Variants in NECAB2 observed in about 807,000 individuals in gnomAD.
NECAB2 encodes the protein N-terminal EF-hand calcium-binding protein 2.
Under a neutral mutation model 51.9 loss-of-function variants are expected in NECAB2, and 68 were observed. The observed-to-expected ratio is 1.31, with a 90% CI of 1.08 to 1.60. The LOEUF is 1.60. Ranked by LOEUF, NECAB2 falls within the 40% of genes most tolerant of loss-of-function variation. NECAB2 has a pLI of 0.00. For synonymous variants in NECAB2, 329 were observed against 203.5 expected (o/e 1.62, Z -5.25); for missense variants, 854 against 490.3 (o/e 1.74, Z -7.00).
chr16:83,974,580 T>C (rs375149253), intron 2 of NECAB2, among the ~76,000 whole-genome samples: 237 of 152,260 alleles, frequency 1.6e-3, no homozygotes, highest in African/African-American at 5.4e-3. Context: ...TTAATCTTCA[T>C]TGTGATCCTC....
chr16:83,965,928 A>G (rs200121755), upstream of NECAB2: 1 of 1,612,474 alleles, frequency 6.2e-7, no homozygotes, highest in Non-Finnish European at 8.5e-7. Context: ...GCCGGGGACA[A>G]CTTCGTGAGG....
At chr16:83,992,868 A>T (rs2084643978) in intron 6 of NECAB2, among the ~76,000 whole-genome samples, 2 of 152,186 alleles carry the variant, frequency 1.3e-5, no homozygotes, top group South Asian at 4.1e-4. Context: ...GCTGACACTT[A>T]GATTTCCTGG....
At chr16:83,979,807 T>A (rs990480935) in intron 3 of NECAB2, among the ~76,000 whole-genome samples, 1 of 152,126 alleles carries the variant, frequency 6.6e-6, no homozygotes, top group Admixed American at 6.5e-5. Context: ...CTATAAAGAC[T>A]TTTAGGATTA....
At chr16:84,000,130 A>T (rs2084797666) in intron 10 of NECAB2, among the ~76,000 whole-genome samples, 1 of 151,952 alleles carries the variant, frequency 6.6e-6, no homozygotes, top group South Asian at 2.1e-4. Context: ...GACCTCACGT[A>T]ATCCACCTGC....
At position 83,974,911 on chromosome 16, in the gene NECAB2, C is replaced by CAGGGATGGGAACAGGTGTGCAGGGAGGT. The variant is rs1567664337; in HGVS notation, c.226+2736_226+2737insAGGGATGGGAACAGGTGTGCAGGGAGGT. ...GGATGAGAGCAGGTGTGCAGGGAGG[C>CAGGGATGGGAACAGGTGTGCAGGGAGGT]GTGGGTGCGGGGATGGGAACAGGTG... is the stretch of plus-strand genomic sequence containing the variant. On this transcript the variant is annotated intron_variant, in intron 2 of 12. Coordinates refer to ENST00000305202, the MANE Select transcript of NECAB2 (RefSeq NM_019065.3). 7.4e-3 allele frequency among the ~76,000 whole-genome samples: 483 copies of CAGGGATGGGAACAGGTGTGCAGGGAGGT among 65,648 alleles called. 29 individuals are homozygous for CAGGGATGGGAACAGGTGTGCAGGGAGGT. Among genetic ancestry groups the CAGGGATGGGAACAGGTGTGCAGGGAGGT allele is most frequent in the African/African-American group, 0.037 (463 of 12,642 alleles). 43.1% of individuals were successfully genotyped at this position (65,648 alleles called of 152,430 possible).
chr16:84,001,768 C>G, intron 11 of NECAB2, 57 bp from the exon 12 acceptor site: 1 of 1,573,476 alleles, frequency 6.4e-7, no homozygotes. Context: ...AACAGGGGAG[C>G]CACACGCGGA....
chr16:83,999,560 G>A (rs549026817), intron 10 of NECAB2, among the ~76,000 whole-genome samples: 2 of 152,232 alleles, frequency 1.3e-5, no homozygotes, highest in East Asian at 1.9e-4. Flanking sequence ...CCTCTAGGCT[G>A]AGCACTGTAG....
In NECAB2 at chr16:83,998,220, C is replaced by A; in HGVS notation, c.865C>A (p.Arg289=). The A allele has an allele frequency of 1.2e-6, 2 of 1,610,422 alleles. No individual in the cohort carries two copies. Among genetic ancestry groups the A allele is most frequent in the Middle Eastern group, 3.3e-4 (2 of 6,062 alleles). Residue 289 remains arginine, a synonymous_variant, in exon 10 of 13, where the codon CGG becomes AGG. Transcript: ENST00000305202. ...TGCCCGGCAGCACCTGCAGCTGGTC[C>A]GGCAGGAGATGGCCGTGTGCCCCGA... The part of the protein sequence containing the change: ...DGTNMHLQLV[R]QEMAVCPEQL...
intron 10 of NECAB2, 53 bp downstream of exon 10, chr16:83,998,370 C>T (rs1305766699): frequency 1.9e-6 from 3 of 1,543,100 alleles, no homozygotes; most frequent in African/African-American, 1.4e-5. Context: ...CTCTGCCTGG[C>T]AGTGGAGGAA....
chr16:83,973,832 G>C (rs1395133077), intron 2 of NECAB2, among the ~76,000 whole-genome samples: 1 of 152,110 alleles, frequency 6.6e-6, no homozygotes, highest in South Asian at 2.1e-4. Context: ...AGGCTGTTGG[G>C]AATGCGTGTG....
In NECAB2 at chr16:83,994,760, C is replaced by G. The variant is rs533887160; in HGVS notation, c.795+72C>G. 6 of 1,550,134 alleles carry G rather than the reference C, an allele frequency of 3.9e-6. No individual in the cohort carries two copies. The African/African-American group carries it at 5.4e-5, about 14-fold the overall frequency. On this transcript the variant is annotated intron_variant, in intron 8 of 12. Coordinates refer to ENST00000305202, the MANE Select transcript of NECAB2 (RefSeq NM_019065.3). ...GGAGTGCAGAGTTAAGCCTGGAGTTCAGGACAAAAGTCTGGGCTGCAGAGG... is the reference window on the plus strand; with the variant it reads ...GGAGTGCAGAGTTAAGCCTGGAGTTGAGGACAAAAGTCTGGGCTGCAGAGG...
In NECAB2 at chr16:83,994,290, T is replaced by C; in HGVS notation, c.597-12T>C. The C allele has an allele frequency of 6.2e-7, 1 of 1,613,810 alleles. No homozygotes were observed. The highest frequency in any genetic ancestry group is 2.2e-5 in the East Asian group (1 of 44,880). The stretch of plus-strand genomic sequence containing the variant: ...CCGCCATGGTCTGTGTGTGTTCCCA[T>C]CCAAACTGCAGACAGAACCACATCA... On this transcript the variant is annotated splice_polypyrimidine_tract_variant and intron_variant, in intron 6 of 12. Transcript: ENST00000305202.
chr16:83,998,448 G>GT (rs936416947), intron 10 of NECAB2, 131 bp downstream of exon 10: 3 of 826,302 alleles, frequency 3.6e-6, no homozygotes, highest in East Asian at 5.4e-5. Context: ...AGCTGGATGC[G>GT]TAAGAAGTGG....
At chr16:83,999,952 G>A (rs930444671) in intron 10 of NECAB2, among the ~76,000 whole-genome samples, 1 of 152,174 alleles carries the variant, frequency 6.6e-6, no homozygotes, top group African/African-American at 2.4e-5. Context: ...AGTAGTGGAA[G>A]CTCAGCTCAC....
At chr16:83,998,910 G>A (rs1159047564) in intron 10 of NECAB2, among the ~76,000 whole-genome samples, 1 of 152,188 alleles carries the variant, frequency 6.6e-6, no homozygotes, top group Non-Finnish European at 1.5e-5. Flanking sequence ...AAGGCATGTG[G>A]CCAGGGCCAG....
intron 2 of NECAB2, among the ~76,000 whole-genome samples, chr16:83,975,077 T>C: frequency 8.4e-6 from 1 of 119,372 alleles, no homozygotes; most frequent in East Asian, 2.5e-4. Context: ...GAGGTGTGGG[T>C]GCAGGGATGA....
chr16:83,969,475 C>A (rs2084325493), intron 1 of NECAB2, among the ~76,000 whole-genome samples: 2 of 151,990 alleles, frequency 1.3e-5, no homozygotes, highest in African/African-American at 4.8e-5. Flanking sequence ...GTCTTCCCCA[C>A]CCCGCCCCCT....
chr16:83,996,003 C>A (rs536837722), intron 8 of NECAB2, among the ~76,000 whole-genome samples: 1 of 152,194 alleles, frequency 6.6e-6, no homozygotes, highest in East Asian at 1.9e-4. Context: ...GTCCTGGAGA[C>A]GGGGTGGGAC....
chr16:83,995,797 C>T (rs979603218), intron 8 of NECAB2, among the ~76,000 whole-genome samples: 2 of 152,218 alleles, frequency 1.3e-5, no homozygotes, highest in African/African-American at 4.8e-5. Flanking sequence ...GCTCAAACTT[C>T]CCCTCCTGCA....
Sources: allele counts gnomAD v4.1 joint callset (sites outside exome capture counted in the v4.1 genomes callset), GRCh38; gene constraint gnomAD v4.1.1; transcripts MANE v1.5; gene names NCBI Gene and HGNC (gene_info 2026-07-23, HGNC 2026-07-21).